The following DRC7 variants were observed in gnomAD, a reference collection of about 807,000 sequenced individuals.
DRC7 encodes dynein regulatory complex subunit 7.
DRC7 carries 80 observed loss-of-function variants against 104.4 expected under a neutral mutation model. The observed-to-expected ratio is 0.77, with a 90% CI of 0.64 to 0.92. DRC7 has a LOEUF of 0.92. DRC7 is among the 40% of genes least tolerant of loss of function. The pLI is 0.00. For missense variants in DRC7, 1,034 were observed against 1,141.1 expected (o/e 0.91, Z 1.35); for synonymous variants, 405 against 447.3 (o/e 0.91, Z 1.19).
chr16:57,715,965 C>T (rs750972754), intron 8 of DRC7, among the ~76,000 whole-genome samples: 16 of 152,162 alleles, frequency 1.1e-4, no homozygotes, highest in Non-Finnish European at 2.1e-4. Flanking sequence ...TACCAGCACA[C>T]GAACATTGGA....
intron 12 of DRC7, among the ~76,000 whole-genome samples, chr16:57,723,613 A>G (rs2048931002): frequency 1.3e-5 from 2 of 152,038 alleles, no homozygotes. Flanking sequence ...TTGTAATCCC[A>G]GCTACTCAGG....
chr16:57,719,869 C>G (rs1175708817), intron 9 of DRC7, among the ~76,000 whole-genome samples: 2 of 152,162 alleles, frequency 1.3e-5, no homozygotes, highest in Non-Finnish European at 2.9e-5. Flanking sequence ...AATCACCTCT[C>G]TAAAGACCCT....
Position 57,701,937 on chromosome 16 carries a change from C to T in DRC7, c.506C>T (p.Pro169Leu). The change falls in exon 6 of 19, where the codon CCC (proline) becomes CTC (leucine). Residue 169 changes from proline (P) to leucine (L), a missense_variant and splice_region_variant. Physicochemically the swap from Pro to Leu is moderately conservative, Grantham distance 98. Coordinates refer to ENST00000360716, the MANE Select transcript of DRC7 (RefSeq NM_001289162.2). Reference sequence around the variant, plus strand: ...TGCTGACCGTCCCACTGTGACCAGCCCTCGCACCTGTACTCCTCGACCACT... The same window carrying T: ...TGCTGACCGTCCCACTGTGACCAGCTCTCGCACCTGTACTCCTCGACCACT... Reference protein sequence around the residue: ...MVPLPDPLKPPSHLYSSTTVL... With the variant: ...MVPLPDPLKPLSHLYSSTTVL... 6 of 1,613,402 alleles carry T rather than the reference C, an allele frequency of 3.7e-6. No individual in the cohort carries two copies. The highest frequency in any genetic ancestry group is 5.1e-6 in the Non-Finnish European group (6 of 1,179,654).
In DRC7 at chr16:57,722,600, TGGA is replaced by T. The variant is rs562526290; in HGVS notation, c.1280-108_1280-106del. On this transcript the variant is annotated intron_variant, in intron 10 of 18. Transcript: ENST00000360716. ...GGCCTCCCTGGATCAGGCTTGGGGC[TGGA>T]GGAGTTCAGTACACAGAGAACGGGC... 482 of 1,418,738 alleles carry T rather than the reference TGGA, an allele frequency of 3.4e-4. 4 individuals carry two copies. In the South Asian group the frequency reaches 4.0e-3, roughly 12 times the overall value. The allele number at this position is 1,418,738 out of a possible 1,614,324, so 87.9% of individuals were successfully genotyped here.
intron 9 of DRC7, among the ~76,000 whole-genome samples, chr16:57,720,198 G>C (rs1185349753): frequency 3.3e-5 from 5 of 152,206 alleles, no homozygotes; most frequent in African/African-American, 4.8e-5. Flanking sequence ...CACACACAGA[G>C]AGGTTAAGTC....
chr16:57,727,962 C>G (rs1279851562), intron 16 of DRC7, among the ~76,000 whole-genome samples: 1 of 152,152 alleles, frequency 6.6e-6, no homozygotes, highest in Admixed American at 6.5e-5. Context: ...TTCACTGCCC[C>G]CTGTCTGCAG....
chr16:57,726,395 G>A, intron 14 of DRC7, 112 bp downstream of exon 14: 1 of 889,558 alleles, frequency 1.1e-6, no homozygotes, highest in Non-Finnish European at 1.8e-6. Context: ...ATCCCGGCGA[G>A]GAAATTCATC....
At chr16:57,701,582 T>A (rs2048658459) in intron 5 of DRC7, 1 of 198,330 alleles carries the variant, frequency 5.0e-6, no homozygotes, top group Admixed American at 5.4e-5. Context: ...GGAGAACTGA[T>A]AAAGGGAGGA....
intron 16 of DRC7, 90 bp from the exon 17 acceptor site, chr16:57,728,300 G>A: frequency 7.7e-7 from 1 of 1,292,726 alleles, no homozygotes; most frequent in Non-Finnish European, 1.1e-6. Context: ...TGTGAGGTCT[G>A]GCTTTGTGCT....
chr16:57,717,401 TAA>T (rs56358409), intron 8 of DRC7, among the ~76,000 whole-genome samples: 22 of 132,738 alleles, frequency 1.7e-4, no homozygotes, highest in Non-Finnish European at 2.0e-4. Context: ...TGCACTGGCT[TAA>T]AAAAAAAAAA....
intron 8 of DRC7, among the ~76,000 whole-genome samples, chr16:57,715,469 G>A (rs548933520): frequency 3.3e-5 from 5 of 152,298 alleles, no homozygotes; most frequent in Middle Eastern, 3.4e-3. Flanking sequence ...TTGCTTTGCC[G>A]GTTGCTCTGT....
Position 57,724,650 on chromosome 16 carries a change from C to G in DRC7, c.1573C>G (p.Arg525Gly). 1 of 1,613,690 alleles carries G rather than the reference C, an allele frequency of 6.2e-7. No individual in the cohort carries two copies. The highest frequency in any genetic ancestry group is 8.5e-7 in the Non-Finnish European group (1 of 1,179,866). ...CAAGTCCATGCAACCTGAGATGGACCGTGTCATTGAGTTTTATGAAACGGC... is the reference window on the plus strand; with the variant it reads ...CAAGTCCATGCAACCTGAGATGGACGGTGTCATTGAGTTTTATGAAACGGC... Reference protein sequence around the residue: ...SYKSMQPEMDRVIEFYETARV... With the variant: ...SYKSMQPEMDGVIEFYETARV... The change falls in exon 13 of 19, where the codon CGT (arginine) becomes GGT (glycine). Residue 525 changes from arginine (R) to glycine (G), a missense_variant. Coordinates refer to ENST00000360716, the MANE Select transcript of DRC7 (RefSeq NM_001289162.2).
intron 7 of DRC7, 130 bp downstream of exon 7, chr16:57,705,164 C>A: frequency 1.9e-6 from 2 of 1,059,258 alleles, no homozygotes; most frequent in Non-Finnish European, 2.7e-6. Context: ...CACAATCACC[C>A]CCAACCTCTA....
Position 57,726,801 on chromosome 16 carries a change from C to G in DRC7, c.1975-31C>G, listed in dbSNP as rs751655276. ...TCCTATGCCCCGATCATGGCAGCCT[C>G]TCTGTGTTACTAAGGTGGTTGTTGT... On this transcript the variant is annotated intron_variant, in intron 14 of 18. Coordinates refer to ENST00000360716, the MANE Select transcript of DRC7 (RefSeq NM_001289162.2). 5.7e-5 allele frequency: 82 copies of G among 1,442,732 alleles called. No individual in the cohort carries two copies. In the East Asian group the frequency reaches 1.9e-3, roughly 33 times the overall value. The allele number at this position is 1,442,732 out of a possible 1,614,324, so 89.4% of individuals were successfully genotyped here. A position where few individuals can be genotyped will look rare whatever the true frequency, so the allele number is the denominator to read the frequency against.
intron 13 of DRC7, 32 bp downstream of exon 13, chr16:57,724,867 C>A (rs1471756667): frequency 6.4e-7 from 1 of 1,556,554 alleles, no homozygotes; most frequent in Non-Finnish European, 8.8e-7. Context: ...GGACAGGTCG[C>A]CCTCCTTCTC....
chr16:57,699,856 A>T (rs1329165256), intron 4 of DRC7, among the ~76,000 whole-genome samples: 1 of 152,136 alleles, frequency 6.6e-6, no homozygotes, highest in East Asian at 1.9e-4. Flanking sequence ...CAAAACTTCA[A>T]AGCCCTTCAA....
intron 8 of DRC7, among the ~76,000 whole-genome samples, chr16:57,708,198 T>A (rs1363224601): frequency 6.6e-6 from 1 of 152,212 alleles, no homozygotes; most frequent in African/African-American, 2.4e-5. Context: ...CATTGAATTA[T>A]CACACACTGA....
intron 1 of DRC7, among the ~76,000 whole-genome samples, chr16:57,695,300 G>T (rs2081540524): frequency 7.4e-6 from 1 of 135,936 alleles, no homozygotes; most frequent in Non-Finnish European, 1.5e-5. Context: ...GAGACACACA[G>T]GTTTCACAAC....
At chr16:57,718,027 G>A (rs377107450) in intron 8 of DRC7, among the ~76,000 whole-genome samples, 4 of 152,186 alleles carry the variant, frequency 2.6e-5, no homozygotes, top group East Asian at 1.9e-4. Context: ...CAGCCGATGC[G>A]GAAAGACCTG....
Sources: allele counts gnomAD v4.1 joint callset (sites outside exome capture counted in the v4.1 genomes callset), GRCh38; gene constraint gnomAD v4.1.1; transcripts MANE v1.5; gene names NCBI Gene and HGNC (gene_info 2026-07-23, HGNC 2026-07-21).